FCRL5: variants seen among roughly 807,000 people sequenced by gnomAD.
FCRL5 encodes Fc receptor-like protein 5.
FCRL5 carries 79 observed loss-of-function variants against 92.1 expected under a neutral mutation model. The observed-to-expected ratio is 0.86, with a 90% CI of 0.72 to 1.03. FCRL5 has a LOEUF of 1.03. FCRL5 is among the 50% of genes least tolerant of loss of function. The pLI, the probability that FCRL5 is intolerant of heterozygous loss-of-function variation, is 0.00. For synonymous variants in FCRL5, 466 were observed against 469.3 expected, an observed-to-expected ratio of 0.99 and a Z score of 0.09; for missense variants, 1,160 against 1,181.1, an observed-to-expected ratio of 0.98 and a Z score of 0.26.
chr1:157,546,083 T>G (rs1651520455), intron 3 of FCRL5: 1 of 247,208 alleles, frequency 4.0e-6, no homozygotes, highest in Admixed American at 5.2e-5. Context: ...TATCTACCTA[T>G]GCATTATCTA....
At chr1:157,534,268 A>G (rs1650830136) in intron 8 of FCRL5, 2 of 676,892 alleles carry the variant, frequency 3.0e-6, no homozygotes, top group Admixed American at 2.0e-5. Context: ...TATCTATAAG[A>G]CTGTGCTTGT....
At chr1:157,516,358 G>A (rs1649933153) in intron 15 of FCRL5, among the ~76,000 whole-genome samples, 1 of 152,204 alleles carries the variant, frequency 6.6e-6, no homozygotes, top group Non-Finnish European at 1.5e-5. Context: ...TCCTCTGCCT[G>A]TAAGGTTGTG....
rs1226387978 is a variant in FCRL5 at position 157,518,773 on chromosome 1, T to C, written c.2670A>G (p.Ser890=). The C allele has an allele frequency of 2.5e-6, 4 of 1,611,772 alleles. No individual in the cohort carries two copies. The Admixed American group carries it at 5.0e-5, about 20-fold the overall frequency. ...KPASDPARSP[S]DSDSQEPTYH... ...AGGTGGGCTCTTGGGAGTCCGAGTC[T>C]GAAGGGCTCCTGTGAGACAGAGAAA... The change falls in exon 14 of 17, where the codon TCA becomes TCG. Residue 890 remains serine (S), a synonymous_variant. Transcript: ENST00000361835.
Position 157,515,876 on chromosome 1 carries a change from G to A in FCRL5, c.2813-3C>T. On this transcript the variant is annotated splice_polypyrimidine_tract_variant and splice_region_variant and intron_variant, in intron 15 of 16. Coordinates refer to ENST00000361835, the MANE Select transcript of FCRL5 (RefSeq NM_031281.3). ...GAGATGCCTGGGGTCAGAGGCCACT[G>A]TGGAAAGAGGAAAGTGTTCAGTTGT... The A allele has an allele frequency of 1.9e-6, 3 of 1,613,710 alleles. No homozygotes were observed. Among genetic ancestry groups the A allele is most frequent in the Non-Finnish European group, 2.5e-6 (3 of 1,179,980 alleles).
At chr1:157,522,899 G>T (rs1216105493) in intron 10 of FCRL5, 2 of 152,338 alleles carry the variant, frequency 1.3e-5, no homozygotes, top group Admixed American at 6.5e-5. Context: ...TCGGTCCGTG[G>T]TACATGCCTG....
chr1:157,521,046 C>A lies in FCRL5; in HGVS notation c.2486G>T (p.Arg829Leu), dbSNP rs759851274. 1 of 1,612,762 alleles carries A rather than the reference C, an allele frequency of 6.2e-7. No homozygotes were observed. The highest frequency in any genetic ancestry group is 1.1e-5 in the South Asian group (1 of 90,864). ...CEADNGLGAQ[R>L]SETVTLYITG... The stretch of plus-strand genomic sequence containing the variant: ...GATATAAAGTGTCACTGTCTCACTG[C>A]GCTGGGCCCCGAGGCCATTGTCGGC... Residue 829 changes from arginine (R) to leucine (L), a missense_variant, in exon 11 of 17, where the codon CGC (arginine) becomes CTC (leucine). Arg to Leu is a moderately radical substitution (Grantham distance 102, BLOSUM62 -2). Transcript: ENST00000361835.
intron 9 of FCRL5, 131 bp from the exon 10 acceptor site, chr1:157,524,688 A>G (rs1448865336): frequency 3.7e-5 from 37 of 994,364 alleles, no homozygotes; most frequent in Non-Finnish European, 2.0e-5. Flanking sequence ...AAACTCAGCA[A>G]TATTTTCAGA....
At chr1:157,539,011 C>T (rs1972239) in intron 7 of FCRL5, 75 bp downstream of exon 7, 1,266,259 of 1,491,080 alleles carry the variant, frequency 0.85, 539,929 homozygotes, top group South Asian at 0.91. Context: ...AGAAGGTACA[C>T]GCTGACTTCT....
intron 2 of FCRL5, among the ~76,000 whole-genome samples, chr1:157,548,907 C>T (rs988949180): frequency 6.6e-6 from 1 of 152,116 alleles, no homozygotes; most frequent in Admixed American, 6.5e-5. Context: ...AGCAGAAATA[C>T]CATTTGACCC....
chr1:157,542,710 G>T, intron 6 of FCRL5, 149 bp downstream of exon 6: 1 of 952,944 alleles, frequency 1.0e-6, no homozygotes. Context: ...GCAGACAGCT[G>T]GTTCAGTGAG....
intron 2 of FCRL5, 168 bp from the exon 3 acceptor site, chr1:157,547,365 A>G (rs1651602659): frequency 1.1e-6 from 1 of 885,746 alleles, no homozygotes; most frequent in South Asian, 1.3e-5. Flanking sequence ...CCCTCACCTC[A>G]CCCAAGGGAG....
intron 3 of FCRL5, chr1:157,546,275 C>A: frequency 2.2e-6 from 1 of 454,060 alleles, no homozygotes; most frequent in Non-Finnish European, 4.4e-6. Flanking sequence ...TGAGGAAATC[C>A]CATCTCTGCT....
chr1:157,520,262 C>T (rs1346939033), intron 12 of FCRL5, among the ~76,000 whole-genome samples, 169 bp downstream of exon 12: 2 of 152,122 alleles, frequency 1.3e-5, no homozygotes, highest in African/African-American at 2.4e-5. Flanking sequence ...GGAAACTGTG[C>T]ATTTGGTAAA....
In FCRL5 at chr1:157,539,090, G is replaced by A. The variant is rs267598086; in HGVS notation, c.1398C>T (p.Val466=). ...PQRSKAVSLS[V]TVPVSHPVLT... ...TGGCAGGAACCCAGGGCTTACCAGT[G>A]ACGGAGAGGCTCACCGCCTTACTGC... The change falls in exon 7 of 17, where the codon GTC becomes GTT. Residue 466 remains valine, a synonymous_variant. Transcript: ENST00000361835. 6.2e-7 allele frequency: 1 copy of A among 1,612,812 alleles called. No individual in the cohort carries two copies. Among genetic ancestry groups the A allele is most frequent in the Admixed American group, 1.7e-5 (1 of 60,006 alleles).
intron 6 of FCRL5, chr1:157,542,534 T>C: frequency 3.2e-6 from 1 of 314,572 alleles, no homozygotes; most frequent in Non-Finnish European, 5.9e-6. Context: ...CTACTGAGAA[T>C]AATATAGTGA....
rs374038581 is a variant in FCRL5, at chr1:157,546,937, T to A, written c.307+6A>T. On this transcript the variant is annotated splice_donor_region_variant and intron_variant, in intron 3 of 16. Transcript: ENST00000361835. ...TAAAGTTGGTGCGTCTTTCACGCTC[T>A]CTCACCTGAAGAAAAATCCAAGTGC... 1 of 1,610,932 alleles carries A rather than the reference T, an allele frequency of 6.2e-7. No individual in the cohort carries two copies.
rs951561287 is a variant in FCRL5 at position 157,514,113 on chromosome 1, A to C, written c.*1562T>G. ...TCTGGGCAAGGCCCTGACACTTGGA[A>C]GCATGAAAAGCCATGGTTCAGGTGG... On this transcript the variant is annotated 3_prime_UTR_variant, in exon 17 of 17. Coordinates refer to ENST00000361835, the MANE Select transcript of FCRL5 (RefSeq NM_031281.3). 6.6e-6 allele frequency: 1 copy of C among 152,244 alleles called. No homozygotes were observed. The highest frequency in any genetic ancestry group is 1.5e-5 in the Non-Finnish European group (1 of 68,060). The allele number at this position is 152,244 out of a possible 1,614,324, so 9.4% of individuals were successfully genotyped here.
rs1424415918 is a variant in FCRL5, at chr1:157,514,127, T to C, written c.*1548A>G. 2.6e-5 allele frequency: 4 copies of C among 152,188 alleles called. No homozygotes were observed. Among genetic ancestry groups the C allele is most frequent in the African/African-American group, 9.7e-5 (4 of 41,422 alleles). 9.4% of individuals were successfully genotyped at this position (152,188 alleles called of 1,614,324 possible). On this transcript the variant is annotated 3_prime_UTR_variant, in exon 17 of 17. Coordinates refer to ENST00000361835, the MANE Select transcript of FCRL5 (RefSeq NM_031281.3). Reference sequence around the variant, plus strand: ...TGACACTTGGAAGCATGAAAAGCCATGGTTCAGGTGGAGTGAGCTTCCAAT... The same window carrying C: ...TGACACTTGGAAGCATGAAAAGCCACGGTTCAGGTGGAGTGAGCTTCCAAT...
chr1:157,534,588 G>A (rs1294745571), intron 8 of FCRL5, 26 bp downstream of exon 8: 2 of 1,613,832 alleles, frequency 1.2e-6, no homozygotes, highest in Non-Finnish European at 1.7e-6. Context: ...CCAGGGGTGG[G>A]TGACTGGCAA....
Sources: gnomAD v4.1 joint callset for allele counts (sites outside exome capture counted in the v4.1 genomes callset) on GRCh38, gnomAD v4.1.1 for gene constraint, MANE v1.5 for transcripts, NCBI Gene and HGNC (gene_info 2026-07-23, HGNC 2026-07-21) for gene names.